ZMAT4: variants seen among roughly 807,000 people sequenced by gnomAD.
The protein encoded by ZMAT4 is zinc finger matrin-type 4, also known as zinc finger matrin-type protein 4.
ZMAT4 carries 17 observed loss-of-function variants against 28.7 expected under a neutral mutation model. The observed-to-expected ratio is 0.59, with a 90% CI of 0.41 to 0.89. The LOEUF (loss-of-function observed/expected upper bound fraction) is 0.89, where lower values mean the gene tolerates loss of function less well. ZMAT4 is among the 40% of genes least tolerant of loss of function. The pLI is 0.00. For missense variants in ZMAT4, 240 were observed against 283.8 expected, an observed-to-expected ratio of 0.85 and a Z score of 1.11; for synonymous variants, 117 against 109.2, an observed-to-expected ratio of 1.07 and a Z score of -0.44.
chr8:40,550,777 A>G (rs1445311062), intron 6 of ZMAT4, among the ~76,000 whole-genome samples: 1 of 152,170 alleles, frequency 6.6e-6, no homozygotes, highest in African/African-American at 2.4e-5. Context: ...GCAATGCAGA[A>G]TTATGAGTCA....
intron 1 of ZMAT4, among the ~76,000 whole-genome samples, chr8:40,881,495 GAAAGAGGA>G (rs1818241732): frequency 1.5e-5 from 2 of 129,464 alleles, no homozygotes; most frequent in South Asian, 5.2e-4. Flanking sequence ...AAGAAAGAAA[GAAAGAGGA>G]AGGAAGGAAG....
chr8:40,697,796 C>T (rs181274534), intron 3 of ZMAT4, among the ~76,000 whole-genome samples: 8 of 147,898 alleles, frequency 5.4e-5, no homozygotes, highest in Admixed American at 2.1e-4. Flanking sequence ...CTGACTTTGA[C>T]ATACAGTTAG....
intron 2 of ZMAT4, among the ~76,000 whole-genome samples, chr8:40,783,785 C>A (rs111829259): frequency 1.1e-4 from 17 of 151,958 alleles, no homozygotes; most frequent in Admixed American, 2.6e-4. Flanking sequence ...CCGAGGTGGG[C>A]GGATCACCTG....
At chr8:40,862,473 C>T (rs544505024) in intron 1 of ZMAT4, among the ~76,000 whole-genome samples, 1,570 of 141,670 alleles carry the variant, frequency 0.011, 30 homozygotes, top group African/African-American at 0.039. Context: ...TAATGCTAGA[C>T]GACACGTTAG....
At chr8:40,810,005 T>G (rs1815253216) in intron 2 of ZMAT4, among the ~76,000 whole-genome samples, 1 of 152,086 alleles carries the variant, frequency 6.6e-6, no homozygotes, top group Admixed American at 6.6e-5. Context: ...ATCACACCAC[T>G]GCACTCCAGC....
chr8:40,577,425 C>CA (rs1396509112), intron 6 of ZMAT4, among the ~76,000 whole-genome samples: 2 of 151,966 alleles, frequency 1.3e-5, no homozygotes, highest in African/African-American at 4.8e-5. Context: ...TAGCCTGGCA[C>CA]AAAAAGAAGA....
intron 3 of ZMAT4, among the ~76,000 whole-genome samples, chr8:40,712,581 C>T (rs921165547): frequency 6.6e-6 from 1 of 152,204 alleles, no homozygotes; most frequent in East Asian, 1.9e-4. Context: ...GTGGGGAAGG[C>T]AGTTAGTACA....
At chr8:40,635,482 A>G (rs1242752109) in intron 5 of ZMAT4, among the ~76,000 whole-genome samples, 1 of 151,994 alleles carries the variant, frequency 6.6e-6, no homozygotes, top group Non-Finnish European at 1.5e-5. Flanking sequence ...ACGCAGATAC[A>G]CTCTCACACA....
intron 5 of ZMAT4, among the ~76,000 whole-genome samples, chr8:40,648,112 G>A (rs980595815): frequency 8.5e-5 from 13 of 152,280 alleles, no homozygotes; most frequent in Non-Finnish European, 1.5e-4. Flanking sequence ...GGCTTCAGAC[G>A]ATCAAATTAC....
chr8:40,612,201 CT>C (rs1488343486), intron 5 of ZMAT4, among the ~76,000 whole-genome samples: 2 of 152,158 alleles, frequency 1.3e-5, no homozygotes, highest in Non-Finnish European at 2.9e-5. Context: ...ATTATGAACA[CT>C]CAATCAATGC....
chr8:40,733,254 G>T (rs1318270878), intron 3 of ZMAT4, among the ~76,000 whole-genome samples: 1 of 152,066 alleles, frequency 6.6e-6, no homozygotes, highest in Non-Finnish European at 1.5e-5. Flanking sequence ...TCAGTGACTA[G>T]AACAGACCCA....
At chr8:40,779,380 G>C (rs761715811) in intron 2 of ZMAT4, among the ~76,000 whole-genome samples, 3 of 151,908 alleles carry the variant, frequency 2.0e-5, no homozygotes, top group Non-Finnish European at 4.4e-5. Context: ...ACCAAGAAAC[G>C]CCCAGAGCTC....
intron 5 of ZMAT4, among the ~76,000 whole-genome samples, chr8:40,582,860 C>T (rs1359366783): frequency 1.3e-5 from 2 of 152,170 alleles, no homozygotes; most frequent in African/African-American, 4.8e-5. Context: ...AACATGGAAA[C>T]ACTTTCTGTT....
intron 3 of ZMAT4, among the ~76,000 whole-genome samples, chr8:40,745,265 G>C (rs903236500): frequency 6.6e-6 from 1 of 152,206 alleles, no homozygotes; most frequent in Non-Finnish European, 1.5e-5. Flanking sequence ...GGTTTGGAGA[G>C]AAAGGAAAGA....
intron 6 of ZMAT4, among the ~76,000 whole-genome samples, chr8:40,574,442 G>C (rs1424109374): frequency 6.6e-6 from 1 of 152,112 alleles, no homozygotes; most frequent in East Asian, 1.9e-4. Context: ...CATATTTATA[G>C]TTAAAGGTTT....
chr8:40,683,771 A>G (rs1809277160), intron 4 of ZMAT4, among the ~76,000 whole-genome samples: 1 of 152,136 alleles, frequency 6.6e-6, no homozygotes, highest in African/African-American at 2.4e-5. Flanking sequence ...ATTTATGGGT[A>G]TAATTATTTC....
intron 3 of ZMAT4, among the ~76,000 whole-genome samples, chr8:40,760,680 A>ATC (rs35049635): frequency 0.14 from 19,659 of 142,410 alleles, 1,550 homozygotes; most frequent in Middle Eastern, 0.24. Flanking sequence ...GACCGCAAAG[A>ATC]TCTCTCTCTC....
At chr8:40,694,229 C>T (rs552926809) in intron 4 of ZMAT4, among the ~76,000 whole-genome samples, 41 of 152,258 alleles carry the variant, frequency 2.7e-4, no homozygotes, top group African/African-American at 7.9e-4. Context: ...GATGGCCATC[C>T]GGACTCCATT....
At chr8:40,777,289 G>C (rs980691311) in intron 2 of ZMAT4, among the ~76,000 whole-genome samples, 18 of 152,194 alleles carry the variant, frequency 1.2e-4, no homozygotes, top group African/African-American at 4.1e-4. Flanking sequence ...TTGCCGTGCA[G>C]CACACACCTG....
Sources: allele counts gnomAD v4.1 joint callset (sites outside exome capture counted in the v4.1 genomes callset), GRCh38; gene constraint gnomAD v4.1.1; transcripts MANE v1.5; gene names NCBI Gene and HGNC (gene_info 2026-07-23, HGNC 2026-07-21).